GABRR2: variants seen among roughly 807,000 people sequenced by gnomAD.
GABRR2 encodes gamma-aminobutyric acid type A receptor subunit rho2.
In GABRR2, 36 loss-of-function variants were observed where a neutral mutation model predicts 47.0. That is an observed-to-expected ratio of 0.77 (90% CI 0.59 to 1.01). The LOEUF (loss-of-function observed/expected upper bound fraction) is 1.01. Among genes scored for constraint, GABRR2 ranks in the 50% least tolerant of loss-of-function variants. The pLI, the probability that GABRR2 is intolerant of heterozygous loss-of-function variation, is 0.00. For synonymous variants in GABRR2, 204 were observed against 227.5 expected (o/e 0.90, Z 0.93); for missense variants, 587 against 594.6 (o/e 0.99, Z 0.13).
At chr6:89,314,051 T>A (rs1582470301) in intron 1 of GABRR2, among the ~76,000 whole-genome samples, 3 of 139,798 alleles carry the variant, frequency 2.1e-5, no homozygotes, top group Admixed American at 7.6e-5. Context: ...AAATAAGAAA[T>A]CAATTAAACT....
intron 2 of GABRR2, among the ~76,000 whole-genome samples, chr6:89,282,130 A>G (rs1386515478): frequency 6.6e-6 from 1 of 150,796 alleles, no homozygotes; most frequent in African/African-American, 2.5e-5. Context: ...ACATATATAC[A>G]CACTCTCTCA....
chr6:89,278,293 C>T (rs745940304), intron 2 of GABRR2, among the ~76,000 whole-genome samples: 1 of 152,122 alleles, frequency 6.6e-6, no homozygotes, highest in Non-Finnish European at 1.5e-5. Context: ...ACTGGAATGG[C>T]ATATGGATAG....
At chr6:89,312,815 T>C (rs1457323056) in intron 1 of GABRR2, among the ~76,000 whole-genome samples, 8 of 152,236 alleles carry the variant, frequency 5.3e-5, no homozygotes, top group Non-Finnish European at 1.0e-4. Context: ...AGCCTCAGTT[T>C]AATAAATATT....
intron 8 of GABRR2, among the ~76,000 whole-genome samples, chr6:89,263,368 A>G (rs1487449430): frequency 6.6e-6 from 1 of 152,232 alleles, no homozygotes; most frequent in Non-Finnish European, 1.5e-5. Context: ...TCCAGTCAAC[A>G]TGAGGCCATT....
At chr6:89,292,830 GTATATACGATATATCGTATATATCA>G (rs1485557974) in intron 2 of GABRR2, among the ~76,000 whole-genome samples, 92 of 8,178 alleles carry the variant, frequency 0.011, no homozygotes, top group Non-Finnish European at 0.016. Context: ...CGTATATATC[GTATATACGATATATCGTATATATCA>G]TATATTATAT....
In GABRR2 at chr6:89,299,859, T is replaced by A. The variant is rs766607039; in HGVS notation, c.120A>T (p.Leu40Phe). 1 of 1,606,082 alleles carries A rather than the reference T, an allele frequency of 6.2e-7. No individual in the cohort carries two copies. The highest frequency in any genetic ancestry group is 8.5e-7 in the Non-Finnish European group (1 of 1,172,700). ...GQVEMPKPSH[L>F]YKKNLDVTKI... Reference sequence around the variant, plus strand: ...TGGTCACATCAAGGTTCTTCTTATATAAGTGACTGTGAAGACAAGCAAGAA... The same window carrying A: ...TGGTCACATCAAGGTTCTTCTTATAAAAGTGACTGTGAAGACAAGCAAGAA... The change falls in exon 2 of 9, where the codon TTA becomes TTT. Residue 40 changes from leucine to phenylalanine, a missense_variant. Leu to Phe is a conservative substitution (Grantham distance 22). Transcript: ENST00000402938.
chr6:89,308,604 C>T (rs1767615726), intron 1 of GABRR2, among the ~76,000 whole-genome samples: 2 of 152,172 alleles, frequency 1.3e-5, no homozygotes, highest in South Asian at 2.1e-4. Flanking sequence ...GATTTACACC[C>T]CTACTTCTAA....
chr6:89,261,967 A>G (rs967295881), intron 8 of GABRR2, among the ~76,000 whole-genome samples: 1 of 151,660 alleles, frequency 6.6e-6, no homozygotes, highest in African/African-American at 2.4e-5. Context: ...TGAGCCCAGG[A>G]GATGGAGTGC....
chr6:89,259,883 C>CTTTTTTTT (rs59831214), intron 8 of GABRR2, among the ~76,000 whole-genome samples: 8 of 67,626 alleles, frequency 1.2e-4, no homozygotes, highest in African/African-American at 1.8e-4. Flanking sequence ...CTCTCTCTCT[C>CTTTTTTTT]TTTTTTTTTT....
chr6:89,295,210 C>T (rs1245527293), intron 2 of GABRR2, among the ~76,000 whole-genome samples: 10 of 152,306 alleles, frequency 6.6e-5, no homozygotes, highest in Admixed American at 2.0e-4. Flanking sequence ...CTTGAGGAAT[C>T]GCCACACTAT....
At chr6:89,302,202 G>C (rs1237196991) in intron 1 of GABRR2, 1 of 554,950 alleles carries the variant, frequency 1.8e-6, no homozygotes, top group East Asian at 4.3e-5. Context: ...CTGGGCGGGG[G>C]CACAAGCTCG....
At chr6:89,296,007 G>A (rs1380027115) in intron 2 of GABRR2, among the ~76,000 whole-genome samples, 1 of 152,188 alleles carries the variant, frequency 6.6e-6, no homozygotes, top group Non-Finnish European at 1.5e-5. Flanking sequence ...CCAGTACCAT[G>A]CTGTTTTGGT....
At chr6:89,296,958 C>T (rs1261664355) in intron 2 of GABRR2, among the ~76,000 whole-genome samples, 4 of 152,230 alleles carry the variant, frequency 2.6e-5, no homozygotes, top group Non-Finnish European at 5.9e-5. Flanking sequence ...GGCTCTTCTT[C>T]TACATACTGA....
intron 2 of GABRR2, among the ~76,000 whole-genome samples, chr6:89,275,274 A>C (rs1348873567): frequency 1.3e-5 from 2 of 152,166 alleles, no homozygotes; most frequent in Admixed American, 1.3e-4. Flanking sequence ...AGAAAAATTT[A>C]CTTTTTTTTC....
Position 89,269,088 on chromosome 6 carries a change from TC to T in GABRR2, c.434del (p.Arg145AsnfsTer14). Reference protein sequence around the residue: ...VPDVFFVHSKRSFTHDTTTDN... With the variant: ...VPDVFFVHSKXSFTHDTTTDN... ...CAGTGGTGGTGTCATGAGTGAACGA[TC>T]TTTTGGAGTGAACAAAGAAGACATC... On this transcript the variant is annotated frameshift_variant, in exon 4 of 9. Transcript: ENST00000402938. LOFTEE classifies it high-confidence loss of function. 6.2e-7 allele frequency: 1 copy of T among 1,614,000 alleles called. No homozygotes were observed. The highest frequency in any genetic ancestry group is 8.5e-7 in the Non-Finnish European group (1 of 1,179,888).
At position 89,277,870 on chromosome 6, in the gene GABRR2, G is replaced by C. The variant is rs905921399; in HGVS notation, c.221-6148C>G. On this transcript the variant is annotated intron_variant, in intron 2 of 8. Coordinates refer to ENST00000402938, the MANE Select transcript of GABRR2 (RefSeq NM_002043.5). ...ACCTTGCCAGTGGTGGGCGGGGGTG[G>C]GGGGGGGTGGGGGCTGCAAATTGGT... 1.9e-5 allele frequency among the ~76,000 whole-genome samples: 2 copies of C among 102,672 alleles called. 1 individual carries two copies. Among genetic ancestry groups the C allele is most frequent in the Non-Finnish European group, 4.3e-5 (2 of 46,746 alleles). 67.4% of individuals were successfully genotyped at this position (102,672 alleles called of 152,430 possible).
intron 1 of GABRR2, among the ~76,000 whole-genome samples, chr6:89,300,717 T>C (rs1189068070): frequency 8.0e-6 from 1 of 124,392 alleles, no homozygotes; most frequent in Admixed American, 1.0e-4. Flanking sequence ...GAAGTTGAAG[T>C]TGAATCAATA....
intron 1 of GABRR2, among the ~76,000 whole-genome samples, chr6:89,308,443 A>G (rs763780711): frequency 1.3e-5 from 2 of 152,222 alleles, no homozygotes; most frequent in African/African-American, 2.4e-5. Flanking sequence ...GTGCAGCTAT[A>G]TAATCTTTCC....
chr6:89,267,260 C>T (rs1040320495), intron 6 of GABRR2, among the ~76,000 whole-genome samples: 5 of 152,108 alleles, frequency 3.3e-5, no homozygotes, highest in Non-Finnish European at 7.4e-5. Flanking sequence ...TTCTAGGCTA[C>T]ATTATTTTAA....
Sources: gnomAD v4.1 joint callset for allele counts (sites outside exome capture counted in the v4.1 genomes callset) on GRCh38, gnomAD v4.1.1 for gene constraint, MANE v1.5 for transcripts, NCBI Gene and HGNC (gene_info 2026-07-23, HGNC 2026-07-21) for gene names.